PPP4R3A: variants seen among roughly 807,000 people sequenced by gnomAD.
PPP4R3A encodes protein phosphatase 4 regulatory subunit 3A.
PPP4R3A carries 15 observed loss-of-function variants against 91.7 expected under a neutral mutation model. The ratio of observed to expected loss-of-function variants is 0.16; its 90% CI spans 0.11 to 0.25. PPP4R3A has a LOEUF of 0.25. PPP4R3A is among the 10% of genes least tolerant of loss of function. The probability of loss-of-function intolerance (pLI) is 1.00; values close to 1 mark genes in which losing one functional copy is unlikely to be tolerated. For missense variants in PPP4R3A, 623 were observed against 998.4 expected (o/e 0.62, Z 5.07); for synonymous variants, 377 against 348.7 (o/e 1.08, Z -0.91).
chr14:91,486,643 G>T (rs1465189430), intron 2 of PPP4R3A, among the ~76,000 whole-genome samples: 1 of 152,082 alleles, frequency 6.6e-6, no homozygotes, highest in Non-Finnish European at 1.5e-5. Context: ...TATTTGGCTG[G>T]GCGTGGTGGC....
At chr14:91,484,916 A>G (rs1889791703) in intron 3 of PPP4R3A, among the ~76,000 whole-genome samples, 1 of 152,242 alleles carries the variant, frequency 6.6e-6, no homozygotes, top group South Asian at 2.1e-4. Flanking sequence ...AAAGATTGTG[A>G]TTATGTCACT....
Position 91,458,638 on chromosome 14 carries a change from A to T in PPP4R3A, c.*121T>A, listed in dbSNP as rs774895930. 1.3e-5 allele frequency: 18 copies of T among 1,412,272 alleles called. No homozygotes were observed. In the East Asian group the frequency reaches 4.1e-4, roughly 32 times the overall value. The allele number at this position is 1,412,272 out of a possible 1,614,324, so 87.5% of individuals were successfully genotyped here. On this transcript the variant is annotated 3_prime_UTR_variant, in exon 15 of 15. Transcript: ENST00000554943. The stretch of plus-strand genomic sequence containing the variant: ...ACTTGATGAGCAGAAGTCAAGTGTA[A>T]GAGGCTGATCTGTGTCAGTCATTCA...
intron 4 of PPP4R3A, among the ~76,000 whole-genome samples, chr14:91,478,187 A>C (rs1889324622): frequency 6.6e-6 from 1 of 152,228 alleles, no homozygotes; most frequent in Admixed American, 6.5e-5. Context: ...CATTAATATG[A>C]TCTTGACCAT....
intron 3 of PPP4R3A, among the ~76,000 whole-genome samples, chr14:91,485,414 A>G (rs1214895706): frequency 6.6e-6 from 1 of 152,228 alleles, no homozygotes; most frequent in Non-Finnish European, 1.5e-5. Flanking sequence ...AAAGTTTCAA[A>G]AAGGCAGGTG....
intron 1 of PPP4R3A, among the ~76,000 whole-genome samples, chr14:91,498,949 TTTTTTA>T (rs1349765732): frequency 2.7e-5 from 4 of 148,472 alleles, no homozygotes; most frequent in African/African-American, 7.4e-5. Context: ...CCTGGCTAAT[TTTTTTA>T]TTTTTATTTT....
chr14:91,485,060 C>G (rs1033899584), intron 3 of PPP4R3A, among the ~76,000 whole-genome samples: 1 of 152,178 alleles, frequency 6.6e-6, no homozygotes, highest in Non-Finnish European at 1.5e-5. Context: ...AAGTTATGAA[C>G]AAAGAGTGAT....
At chr14:91,462,613 T>G in intron 12 of PPP4R3A, 122 bp downstream of exon 12, 1 of 1,110,094 alleles carries the variant, frequency 9.0e-7, no homozygotes, top group Non-Finnish European at 1.3e-6. Flanking sequence ...AAGCTACAAT[T>G]TCTATTTGCT....
At chr14:91,467,735 T>C in intron 10 of PPP4R3A, among the ~76,000 whole-genome samples, 1 of 152,172 alleles carries the variant, frequency 6.6e-6, no homozygotes. Flanking sequence ...TAGACACACC[T>C]ACATACTTAA....
At chr14:91,485,602 G>A (rs1889832053) in intron 3 of PPP4R3A, 30 bp downstream of exon 3, 2 of 1,480,734 alleles carry the variant, frequency 1.4e-6, no homozygotes, top group South Asian at 1.2e-5. Flanking sequence ...CTTAAAGAAA[G>A]CATGTTGATT....
intron 5 of PPP4R3A, 141 bp downstream of exon 5, chr14:91,476,768 T>C (rs1023650153): frequency 5.5e-6 from 4 of 723,334 alleles, no homozygotes; most frequent in Non-Finnish European, 9.0e-6. Flanking sequence ...GGTTTCGCCA[T>C]GTTCGCCAGG....
At chr14:91,467,263 A>C (rs1888531320) in intron 10 of PPP4R3A, among the ~76,000 whole-genome samples, 1 of 151,522 alleles carries the variant, frequency 6.6e-6, no homozygotes, top group South Asian at 2.1e-4. Flanking sequence ...GCTGCTTTCA[A>C]AATTTTACCA....
intron 4 of PPP4R3A, among the ~76,000 whole-genome samples, chr14:91,479,044 A>C (rs1265806893): frequency 6.6e-6 from 1 of 152,036 alleles, no homozygotes; most frequent in Non-Finnish European, 1.5e-5. Flanking sequence ...CTCTGGAGTA[A>C]CTGGGATTAC....
intron 10 of PPP4R3A, among the ~76,000 whole-genome samples, chr14:91,469,946 A>T (rs79078333): frequency 1.4e-5 from 2 of 142,862 alleles, no homozygotes; most frequent in Non-Finnish European, 1.5e-5. Context: ...AAGGATTTTT[A>T]AAAAATCAAT....
chr14:91,488,076 C>A (rs1890008012), intron 2 of PPP4R3A, among the ~76,000 whole-genome samples: 1 of 152,106 alleles, frequency 6.6e-6, no homozygotes, highest in South Asian at 2.1e-4. Context: ...GTAGTCCCAG[C>A]TAGTTACGGG....
intron 2 of PPP4R3A, among the ~76,000 whole-genome samples, chr14:91,490,049 A>G (rs978138957): frequency 1.3e-5 from 2 of 152,216 alleles, no homozygotes; most frequent in Non-Finnish European, 2.9e-5. Context: ...ACTATTTTGT[A>G]TCTGCATCTT....
At chr14:91,492,276 T>C (rs759423561) in intron 1 of PPP4R3A, among the ~76,000 whole-genome samples, 16 of 152,232 alleles carry the variant, frequency 1.1e-4, no homozygotes, top group Non-Finnish European at 2.2e-4. Flanking sequence ...AGCAGTTTTC[T>C]CTGCAACTGT....
intron 1 of PPP4R3A, among the ~76,000 whole-genome samples, chr14:91,506,817 T>A (rs1891320255): frequency 6.6e-6 from 1 of 152,218 alleles, no homozygotes; most frequent in Non-Finnish European, 1.5e-5. Flanking sequence ...CCCAAAATGC[T>A]GGGATTATAG....
At chr14:91,459,427 GTTTA>G (rs1887985765) in intron 14 of PPP4R3A, among the ~76,000 whole-genome samples, 1 of 152,088 alleles carries the variant, frequency 6.6e-6, no homozygotes, top group Non-Finnish European at 1.5e-5. Flanking sequence ...AATTTAAGTA[GTTTA>G]TAATCCTAGC....
chr14:91,487,073 C>T (rs990033174), intron 2 of PPP4R3A, among the ~76,000 whole-genome samples: 1 of 151,522 alleles, frequency 6.6e-6, no homozygotes, highest in Non-Finnish European at 1.5e-5. Context: ...AGGTAAAGCC[C>T]CGTCTCTACT....
Sources: allele counts gnomAD v4.1 joint callset (sites outside exome capture counted in the v4.1 genomes callset), GRCh38; gene constraint gnomAD v4.1.1; transcripts MANE v1.5; gene names NCBI Gene and HGNC (gene_info 2026-07-23, HGNC 2026-07-21).